The following ANKRD6 variants were observed in gnomAD, a reference collection of about 807,000 sequenced individuals.
ANKRD6 encodes the protein ankyrin repeat domain 6.
Under a neutral mutation model 82.3 loss-of-function variants are expected in ANKRD6, and 56 were observed. The observed-to-expected ratio is 0.68, with a 90% confidence interval of 0.55 to 0.85. ANKRD6 has a LOEUF of 0.85. Among genes scored for constraint, ANKRD6 ranks in the 40% least tolerant of loss-of-function variants. ANKRD6 has a pLI of 0.00. For synonymous variants in ANKRD6, 347 were observed against 352.1 expected (o/e 0.99, Z 0.16); for missense variants, 852 against 907.6 (o/e 0.94, Z 0.79).
chr6:89,596,344 C>G (rs1266345797), intron 3 of ANKRD6, among the ~76,000 whole-genome samples: 2 of 152,152 alleles, frequency 1.3e-5, no homozygotes, highest in Non-Finnish European at 2.9e-5. Flanking sequence ...TAAAGAGACA[C>G]ACACATGCAC....
At chr6:89,584,481 A>T (rs1252598736) in intron 2 of ANKRD6, among the ~76,000 whole-genome samples, 1 of 152,154 alleles carries the variant, frequency 6.6e-6, no homozygotes, top group Non-Finnish European at 1.5e-5. Context: ...TTGTCGGGAC[A>T]CTGAAAATTC....
At chr6:89,603,558 G>GA (rs999883021) in intron 4 of ANKRD6, among the ~76,000 whole-genome samples, 18 of 152,092 alleles carry the variant, frequency 1.2e-4, no homozygotes, top group African/African-American at 1.7e-4. Context: ...AAATGGTAAA[G>GA]AAAAAAATCT....
chr6:89,629,880 T>C (rs1182292037), intron 15 of ANKRD6, among the ~76,000 whole-genome samples: 5 of 152,170 alleles, frequency 3.3e-5, no homozygotes, highest in Non-Finnish European at 7.3e-5. Flanking sequence ...GTCAACAACA[T>C]GGGGAAACAT....
chr6:89,543,571 C>T (rs1354633749), intron 1 of ANKRD6, among the ~76,000 whole-genome samples: 1 of 152,206 alleles, frequency 6.6e-6, no homozygotes, highest in Non-Finnish European at 1.5e-5. Flanking sequence ...CAGCACCCGC[C>T]TGTGGCCTGT....
At chr6:89,572,785 A>G (rs1208955799) in intron 2 of ANKRD6, among the ~76,000 whole-genome samples, 1 of 152,140 alleles carries the variant, frequency 6.6e-6, no homozygotes, top group Non-Finnish European at 1.5e-5. Flanking sequence ...TCCTTTTCCC[A>G]TTGAGCGGTC....
intron 2 of ANKRD6, among the ~76,000 whole-genome samples, chr6:89,586,011 A>G (rs2128128397): frequency 6.6e-6 from 1 of 152,390 alleles, no homozygotes; most frequent in South Asian, 2.1e-4. Flanking sequence ...AGAACAAAAT[A>G]GAAAGCTGTA....
intron 1 of ANKRD6, among the ~76,000 whole-genome samples, chr6:89,502,349 A>C (rs1305480068): frequency 6.6e-6 from 1 of 152,220 alleles, no homozygotes; most frequent in Non-Finnish European, 1.5e-5. Flanking sequence ...TCCAAAGGTG[A>C]TATAAAGAGA....
chr6:89,616,794 A>G, intron 8 of ANKRD6, 137 bp downstream of exon 8: 1 of 877,464 alleles, frequency 1.1e-6, no homozygotes, highest in Middle Eastern at 2.2e-4. Flanking sequence ...CACAGCCCCC[A>G]GGGCCATTGG....
chr6:89,452,564 T>A (rs1280065059), intron 1 of ANKRD6, among the ~76,000 whole-genome samples: 2 of 152,206 alleles, frequency 1.3e-5, no homozygotes, highest in Admixed American at 6.5e-5. Flanking sequence ...GGAGGCAAAC[T>A]GTTTTACTAT....
chr6:89,525,598 T>C (rs954057908), intron 1 of ANKRD6, among the ~76,000 whole-genome samples: 1 of 152,160 alleles, frequency 6.6e-6, no homozygotes. Flanking sequence ...TCTTTTTGCA[T>C]AGGGAAGGGG....
chr6:89,487,619 T>G (rs957639439), intron 1 of ANKRD6, among the ~76,000 whole-genome samples: 1 of 152,216 alleles, frequency 6.6e-6, no homozygotes, highest in Non-Finnish European at 1.5e-5. Context: ...GGGGCAAGCA[T>G]TATTATGAAA....
chr6:89,504,891 G>A (rs1248417265), intron 1 of ANKRD6: 1 of 152,216 alleles, frequency 6.6e-6, no homozygotes, highest in Non-Finnish European at 1.5e-5. Context: ...TAAATCGCAT[G>A]CACGTCACAG....
chr6:89,544,984 C>T (rs1017794407), intron 1 of ANKRD6, among the ~76,000 whole-genome samples: 2 of 151,800 alleles, frequency 1.3e-5, no homozygotes, highest in Non-Finnish European at 1.5e-5. Flanking sequence ...GAGGCGGAGG[C>T]GGGCAGATCA....
chr6:89,621,839 C>A, intron 9 of ANKRD6, 83 bp from the exon 10 acceptor site: 1 of 1,355,874 alleles, frequency 7.4e-7, no homozygotes, highest in Non-Finnish European at 1.0e-6. Flanking sequence ...TCCATTAGGT[C>A]AGAGCCCCAG....
intron 2 of ANKRD6, among the ~76,000 whole-genome samples, chr6:89,582,233 T>TGGG (rs909991179): frequency 1.3e-5 from 2 of 152,150 alleles, no homozygotes; most frequent in Non-Finnish European, 2.9e-5. Flanking sequence ...GTAGAGATGG[T>TGGG]GGGGGTGGAG....
In ANKRD6 at chr6:89,437,419, G is replaced by T. The variant is rs1044605536; in HGVS notation, c.-144+4044G>T. ...AAGGAAGTCCCAGAATGAACATCTTGGACTTCTGAATAGGGCAGATGTGGA... is the reference window on the plus strand; with the variant it reads ...AAGGAAGTCCCAGAATGAACATCTTTGACTTCTGAATAGGGCAGATGTGGA... On this transcript the variant is annotated intron_variant, in intron 1 of 15. Coordinates refer to ENST00000339746, the MANE Select transcript of ANKRD6 (RefSeq NM_001242809.2). 3.9e-5 allele frequency among the ~76,000 whole-genome samples: 6 copies of T among 152,202 alleles called. No individual in the cohort carries two copies. The South Asian group carries it at 1.2e-3, about 32-fold the overall frequency.
At chr6:89,445,983 G>A (rs1395823001) in intron 1 of ANKRD6, among the ~76,000 whole-genome samples, 1 of 152,206 alleles carries the variant, frequency 6.6e-6, no homozygotes, top group African/African-American at 2.4e-5. Context: ...TGTTCTGGCT[G>A]TTCCACTGAC....
rs138725569 is a variant in ANKRD6 at position 89,632,085 on chromosome 6, A to G, written c.*1081A>G. 161 of 152,352 alleles carry G rather than the reference A, an allele frequency of 1.1e-3. No individual in the cohort carries two copies. The highest frequency in any genetic ancestry group is 3.8e-3 in the African/African-American group (158 of 41,588). 9.4% of individuals were successfully genotyped at this position (152,352 alleles called of 1,614,324 possible). Reference sequence around the variant, plus strand: ...TAGCATGGATATGTTGAAACTTTGGACAAGCTTCTTGTCCTTTGGAATATG... The same window carrying G: ...TAGCATGGATATGTTGAAACTTTGGGCAAGCTTCTTGTCCTTTGGAATATG... On this transcript the variant is annotated 3_prime_UTR_variant, in exon 16 of 16. Coordinates refer to ENST00000339746, the MANE Select transcript of ANKRD6 (RefSeq NM_001242809.2).
intron 1 of ANKRD6, among the ~76,000 whole-genome samples, chr6:89,478,701 G>A (rs972617287): frequency 6.8e-6 from 1 of 148,142 alleles, no homozygotes; most frequent in Non-Finnish European, 1.5e-5. Context: ...AGATTGGGAT[G>A]AGCTGAGATT....
Sources: gnomAD v4.1 joint callset for allele counts (sites outside exome capture counted in the v4.1 genomes callset) on GRCh38, gnomAD v4.1.1 for gene constraint, MANE v1.5 for transcripts, NCBI Gene and HGNC (gene_info 2026-07-23, HGNC 2026-07-21) for gene names.